Variants in CELSR3 observed in about 807,000 individuals in gnomAD.
CELSR3 encodes EGF-like protein 1.
Under a neutral mutation model 270.0 loss-of-function variants are expected in CELSR3, and 73 were observed. The ratio of observed to expected loss-of-function variants is 0.27; its 90% CI spans 0.22 to 0.33. The LOEUF is 0.33. CELSR3 is among the 10% of genes least tolerant of loss of function. The probability of loss-of-function intolerance (pLI) is 1.00; values close to 1 mark genes in which losing one functional copy is unlikely to be tolerated. For missense variants in CELSR3, 3,614 were observed against 4,533.8 expected, an observed-to-expected ratio of 0.80 and a Z score of 5.83; for synonymous variants, 1,780 against 1,905.4, an observed-to-expected ratio of 0.93 and a Z score of 1.71.
Position 48,643,058 on chromosome 3 carries a change from C to T in CELSR3, c.8315G>A (p.Cys2772Tyr), listed in dbSNP as rs762994061. The T allele has an allele frequency of 7.4e-6, 12 of 1,612,604 alleles. No individual in the cohort carries two copies. Among genetic ancestry groups the T allele is most frequent in the Non-Finnish European group, 1.0e-5 (12 of 1,179,794 alleles). Residue 2772 changes from cysteine (C) to tyrosine (Y), a missense_variant, in exon 29 of 35, where the codon TGT (cysteine) becomes TAT (tyrosine). Around this residue, in one of 7 missense-constraint regions of CELSR3, gnomAD observed 1,240 missense variants for 1,351.7 expected, o/e 0.92. Coordinates refer to ENST00000164024, the MANE Select transcript of CELSR3 (RefSeq NM_001407.3). The part of the protein sequence containing the change: ...LQGLAVLLLF[C>Y]VLNADARAAW... ...AGCCCGAGCATCTGCATTTAGGACACAGAAGAGCAGCAGCACCGCCAGGCC... is the reference window on the plus strand; with the variant it reads ...AGCCCGAGCATCTGCATTTAGGACATAGAAGAGCAGCAGCACCGCCAGGCC...
At position 48,642,819 on chromosome 3, in the gene CELSR3, G is replaced by A. The variant is rs61729238; in HGVS notation, c.8472C>T (p.Gly2824=). 3.3e-3 allele frequency: 5,394 copies of A among 1,613,110 alleles called. 138 individuals are homozygous for A. The African/African-American group carries it at 0.059, about 18-fold the overall frequency. The change falls in exon 30 of 35, where the codon GGC becomes GGT. Residue 2824 remains glycine, a synonymous_variant. Coordinates refer to ENST00000164024, the MANE Select transcript of CELSR3 (RefSeq NM_001407.3). The surrounding 1 kb of genome is among the most constrained non-coding windows in gnomAD (Gnocchi z 6.1). The stretch of plus-strand genomic sequence containing the variant: ...TGCTCACAGAGGAGACGGTGGAGGC[G>A]CCCAGAGTGATGCGGATGAGGCCAC... The part of the protein sequence containing the change: ...EESGLIRITL[G]ASTVSSVSSA...
At position 48,640,373 on chromosome 3, in the gene CELSR3, T is replaced by C; in HGVS notation, c.9212A>G (p.Gln3071Arg). Reference protein sequence around the residue: ...QPASRYSSREQLDLLLRRQLS... With the variant: ...QPASRYSSRERLDLLLRRQLS... ...TTGCCGCCGGAGGAGCAGGTCCAGC[T>C]GTTCTCTAGAAGAGTAGCGGCTGGC... Residue 3071 changes from glutamine (Q) to arginine (R), a missense_variant, in exon 34 of 35, where the codon CAG (glutamine) becomes CGG (arginine). Gln to Arg is a conservative substitution (Grantham distance 43). Transcript: ENST00000164024. This position sits in a 1 kb window ranked among gnomAD's most constrained non-coding sequence, Gnocchi z 7.5. 1.2e-6 allele frequency: 2 copies of C among 1,612,674 alleles called. No individual in the cohort carries two copies. The highest frequency in any genetic ancestry group is 2.2e-5 in the South Asian group (2 of 91,074).
rs1414451296 is a variant in CELSR3, at chr3:48,651,077, T to C, written c.6187-2A>G. On this transcript the variant is annotated splice_acceptor_variant, in intron 14 of 34. Coordinates refer to ENST00000164024, the MANE Select transcript of CELSR3 (RefSeq NM_001407.3). LOFTEE classifies it high-confidence loss of function. The surrounding 1 kb of genome is among the most constrained non-coding windows in gnomAD (Gnocchi z 7.4). ...GCCCCGCGGTCGGTAGTGGAACTCC[T>C]GTTTGAGGATGGGCCAGGGGCCTGA... 6.4e-7 allele frequency: 1 copy of C among 1,553,744 alleles called. No homozygotes were observed.
In CELSR3 at chr3:48,642,209, G is replaced by A. The variant is rs2047033651; in HGVS notation, c.8665+149C>T. On this transcript the variant is annotated intron_variant, in intron 31 of 34. Transcript: ENST00000164024. The surrounding 1 kb of genome is among the most constrained non-coding windows in gnomAD (Gnocchi z 6.1). ...ATCAGGAGTGGACTGGGAGAACCAGGGCTGGAGAGGTAGGTGCCTCCTGAG... is the reference window on the plus strand; with the variant it reads ...ATCAGGAGTGGACTGGGAGAACCAGAGCTGGAGAGGTAGGTGCCTCCTGAG... 2.2e-6 allele frequency: 2 copies of A among 920,300 alleles called. No homozygotes were observed. The highest frequency in any genetic ancestry group is 2.8e-5 in the Admixed American group (1 of 35,426). The allele number at this position is 920,300 out of a possible 1,614,324, so 57.0% of individuals were successfully genotyped here. A position where few individuals can be genotyped will look rare whatever the true frequency, so the allele number is the denominator to read the frequency against.
chr3:48,654,738 G>A lies in CELSR3; in HGVS notation c.4989-286C>T, dbSNP rs915152512. On this transcript the variant is annotated intron_variant, in intron 6 of 34. Coordinates refer to ENST00000164024, the MANE Select transcript of CELSR3 (RefSeq NM_001407.3). The surrounding 1 kb of genome is among the most constrained non-coding windows in gnomAD (Gnocchi z 5.4). ...GAGGGGATGGAGACGTGAAGACTCT[G>A]GGGGACTGGACATGAGATGAAGGGA... Among the ~76,000 whole-genome samples the A allele has an allele frequency of 1.3e-5, 2 of 152,004 alleles. No individual in the cohort carries two copies. The highest frequency in any genetic ancestry group is 2.9e-5 in the Non-Finnish European group (2 of 68,008).
At position 48,642,069 on chromosome 3, in the gene CELSR3, T is replaced by C; in HGVS notation, c.8666-60A>G. On this transcript the variant is annotated intron_variant, in intron 31 of 34. Transcript: ENST00000164024. This position sits in a 1 kb window ranked among gnomAD's most constrained non-coding sequence, Gnocchi z 6.1. The stretch of plus-strand genomic sequence containing the variant: ...TAAGGGACTTGGAGATAAGGGAATT[T>C]GGAGTTGAGGGTCTAGAGGTGGGTA... The C allele has an allele frequency of 6.8e-7, 1 of 1,473,518 alleles. No individual in the cohort carries two copies. Among genetic ancestry groups the C allele is most frequent in the Non-Finnish European group, 9.1e-7 (1 of 1,104,772 alleles). The allele number at this position is 1,473,518 out of a possible 1,614,324, so 91.3% of individuals were successfully genotyped here.
chr3:48,648,252 C>CCCCCCCCCCA lies in CELSR3; in HGVS notation c.6973+13_6973+14insTGGGGGGGGG. 1.9e-6 allele frequency: 3 copies of CCCCCCCCCCA among 1,577,550 alleles called. No individual in the cohort carries two copies. The highest frequency in any genetic ancestry group is 1.7e-6 in the Non-Finnish European group (2 of 1,151,410). Reference sequence around the variant, plus strand: ...CCCCCTGCTGTGCCCCGCCCTACCCCACCCACAACGCACTGATATTAGGCG... The same window carrying CCCCCCCCCCA: ...CCCCCTGCTGTGCCCCGCCCTACCCCCCCCCCCCCAACCCACAACGCACTGATATTAGGCG... On this transcript the variant is annotated intron_variant, in intron 19 of 34. Coordinates refer to ENST00000164024, the MANE Select transcript of CELSR3 (RefSeq NM_001407.3).
chr3:48,656,235 GC>G lies in CELSR3; in HGVS notation c.4529del (p.Gly1510AlafsTer49). ...AGCGCGCAGCCACCTCGCAGCGCGG[GC>G]CCTCGAAGGCGCCGCCTGCCGGGCA... is the stretch of plus-strand genomic sequence containing the variant. ...CQCPAGGAFE[G>X]PRCEVAARSF... On this transcript the variant is annotated frameshift_variant, in exon 3 of 35. Coordinates refer to ENST00000164024, the MANE Select transcript of CELSR3 (RefSeq NM_001407.3). LOFTEE classifies it high-confidence loss of function. 6.5e-7 allele frequency: 1 copy of G among 1,534,822 alleles called. No homozygotes were observed. The highest frequency in any genetic ancestry group is 8.7e-7 in the Non-Finnish European group (1 of 1,146,342).
Position 48,659,376 on chromosome 3 carries a change from C to A in CELSR3, c.3259G>T (p.Ala1087Ser). Reference protein sequence around the residue: ...KENSIVGSVVAQITAVDPDEG... With the variant: ...KENSIVGSVVSQITAVDPDEG... ...TCAGGGTCCACTGCAGTGATCTGGG[C>A]CACCACTGAGCCCACAATGCTATTC... The change falls in exon 1 of 35, where the codon GCC becomes TCC. Residue 1087 changes from alanine (A) to serine (S), a missense_variant. Physicochemically the swap from Ala to Ser is moderately conservative, Grantham distance 99 (BLOSUM62 1). Transcript: ENST00000164024. This position sits in a 1 kb window ranked among gnomAD's most constrained non-coding sequence, Gnocchi z 8.1. The A allele has an allele frequency of 6.2e-7, 1 of 1,614,170 alleles. No individual in the cohort carries two copies. Among genetic ancestry groups the A allele is most frequent in the South Asian group, 1.1e-5 (1 of 91,088 alleles).
In CELSR3 at chr3:48,655,483, C is replaced by G. The variant is rs1344261092; in HGVS notation, c.4742-89G>C. ...TAAGCACAACCATTCCCAGGGCCAC[C>G]CTGGATGCATCAGATCAGTCCCCCC... is the stretch of plus-strand genomic sequence containing the variant. On this transcript the variant is annotated intron_variant, in intron 4 of 34. Transcript: ENST00000164024. This position sits in a 1 kb window ranked among gnomAD's most constrained non-coding sequence, Gnocchi z 5.8. 2 of 1,324,626 alleles carry G rather than the reference C, an allele frequency of 1.5e-6. No individual in the cohort carries two copies. Among genetic ancestry groups the G allele is most frequent in the Admixed American group, 3.5e-5 (2 of 56,806 alleles). The allele number at this position is 1,324,626 out of a possible 1,614,324, so 82.1% of individuals were successfully genotyped here.
At position 48,641,541 on chromosome 3, in the gene CELSR3, G is replaced by T. The variant is rs1292000756; in HGVS notation, c.8825-17C>A. ...CATCCACATCTGTGGAGCCAGGTCAGGTTACAGGAGCTTCTGGGTTGATCC... is the reference window on the plus strand; with the variant it reads ...CATCCACATCTGTGGAGCCAGGTCATGTTACAGGAGCTTCTGGGTTGATCC... On this transcript the variant is annotated splice_polypyrimidine_tract_variant and intron_variant, in intron 32 of 34. Transcript: ENST00000164024. The surrounding 1 kb of genome is among the most constrained non-coding windows in gnomAD (Gnocchi z 4.8). The T allele has an allele frequency of 1.3e-6, 2 of 1,591,742 alleles. No individual in the cohort carries two copies. The highest frequency in any genetic ancestry group is 1.1e-5 in the South Asian group (1 of 90,594).
In CELSR3 at chr3:48,641,872, TCTCA is replaced by T; in HGVS notation, c.8799_8802del (p.Ser2933ArgfsTer59). 6.7e-7 allele frequency: 1 copy of T among 1,496,352 alleles called. No homozygotes were observed. 92.7% of individuals were successfully genotyped at this position (1,496,352 alleles called of 1,614,324 possible). A position where few individuals can be genotyped will look rare whatever the true frequency, so the allele number is the denominator to read the frequency against. On this transcript the variant is annotated frameshift_variant, in exon 32 of 35. Transcript: ENST00000164024. LOFTEE classifies it high-confidence loss of function. This position sits in a 1 kb window ranked among gnomAD's most constrained non-coding sequence, Gnocchi z 4.8. ...GCACCTTTGGGGTGGGTGAGGAGCC[TCTCA>T]CTCTGGGCTGCTCGGCAGAGTGGCC...
chr3:48,640,608 G>C lies in CELSR3; in HGVS notation c.9026-49C>G. 3 of 1,472,234 alleles carry C rather than the reference G, an allele frequency of 2.0e-6. No individual in the cohort carries two copies. The highest frequency in any genetic ancestry group is 2.7e-6 in the Non-Finnish European group (3 of 1,099,282). 91.2% of individuals were successfully genotyped at this position (1,472,234 alleles called of 1,614,324 possible). On this transcript the variant is annotated intron_variant, in intron 33 of 34. Transcript: ENST00000164024. This position sits in a 1 kb window ranked among gnomAD's most constrained non-coding sequence, Gnocchi z 7.5. ...GCAGGGTTTGTGTGGGAGGGGGAGG[G>C]CAGGCAGGAATTGCTGAGTCTAGGG...
At position 48,641,108 on chromosome 3, in the gene CELSR3, CCT is replaced by C. The variant is rs748278011; in HGVS notation, c.9025+214_9025+215del. The C allele has an allele frequency of 5.2e-6, 3 of 572,586 alleles. No homozygotes were observed. The highest frequency in any genetic ancestry group is 9.3e-6 in the Non-Finnish European group (3 of 321,988). The allele number at this position is 572,586 out of a possible 1,614,324, so 35.5% of individuals were successfully genotyped here. ...GGCAGGAGTGGTCGCCTGTGGTCCC[CCT>C]GTGGTGCTGGCCAGGGTAGAGGGGG... On this transcript the variant is annotated intron_variant, in intron 33 of 34. Coordinates refer to ENST00000164024, the MANE Select transcript of CELSR3 (RefSeq NM_001407.3). This position sits in a 1 kb window ranked among gnomAD's most constrained non-coding sequence, Gnocchi z 4.8.
At chr3:48,648,216 C>A in intron 19 of CELSR3, 50 bp downstream of exon 19, 1 of 1,578,986 alleles carries the variant, frequency 6.3e-7, no homozygotes, top group South Asian at 1.1e-5. Flanking sequence ...AGGTACCTGC[C>A]CTTTCATGGC....
Position 48,653,812 on chromosome 3 carries a change from T to C in CELSR3, c.5279-24A>G. 3.7e-6 allele frequency: 6 copies of C among 1,612,772 alleles called. No homozygotes were observed. The highest frequency in any genetic ancestry group is 4.2e-6 in the Non-Finnish European group (5 of 1,178,968). ...AGCTGAGTGGATAAGAGAAACAGGG[T>C]TACAGCCCCTGCCCCAGGAACAGAT... On this transcript the variant is annotated intron_variant, in intron 8 of 34. Transcript: ENST00000164024. This position sits in a 1 kb window ranked among gnomAD's most constrained non-coding sequence, Gnocchi z 6.5.
rs772626352 is a variant in CELSR3 at position 48,655,687 on chromosome 3, G to A, written c.4741+49C>T. Reference sequence around the variant, plus strand: ...AAACCTGAGGGGACTTGGGCCCTGCGTCCTCCAGCACACACGCACCCTTTC... The same window carrying A: ...AAACCTGAGGGGACTTGGGCCCTGCATCCTCCAGCACACACGCACCCTTTC... On this transcript the variant is annotated intron_variant, in intron 4 of 34. Coordinates refer to ENST00000164024, the MANE Select transcript of CELSR3 (RefSeq NM_001407.3). The surrounding 1 kb of genome is among the most constrained non-coding windows in gnomAD (Gnocchi z 5.8). 6.6e-7 allele frequency: 1 copy of A among 1,504,356 alleles called. No individual in the cohort carries two copies. Among genetic ancestry groups the A allele is most frequent in the South Asian group, 1.1e-5 (1 of 88,914 alleles). 93.2% of individuals were successfully genotyped at this position (1,504,356 alleles called of 1,614,324 possible). A position where few individuals can be genotyped will look rare whatever the true frequency, so the allele number is the denominator to read the frequency against.
In CELSR3 at chr3:48,652,341, C is replaced by A. The variant is rs1181157801; in HGVS notation, c.5751+96G>T. ...TGGGTCATTCACCCCCTCGCACCAA[C>A]CCCCACTTGAATACTGCCTTTCAGG... On this transcript the variant is annotated intron_variant, in intron 11 of 34. Coordinates refer to ENST00000164024, the MANE Select transcript of CELSR3 (RefSeq NM_001407.3). The surrounding 1 kb of genome is among the most constrained non-coding windows in gnomAD (Gnocchi z 4.3). 6.8e-6 allele frequency: 7 copies of A among 1,026,546 alleles called. No homozygotes were observed. Among genetic ancestry groups the A allele is most frequent in the East Asian group, 2.4e-5 (1 of 42,180 alleles). The allele number at this position is 1,026,546 out of a possible 1,614,324, so 63.6% of individuals were successfully genotyped here. A position where few individuals can be genotyped will look rare whatever the true frequency, so the allele number is the denominator to read the frequency against.
Position 48,651,518 on chromosome 3 carries a change from C to T in CELSR3, c.6066-39G>A, listed in dbSNP as rs2047137070. The T allele has an allele frequency of 6.2e-7, 1 of 1,608,858 alleles. No homozygotes were observed. The highest frequency in any genetic ancestry group is 1.3e-5 in the African/African-American group (1 of 74,856). The stretch of plus-strand genomic sequence containing the variant: ...GCCAGGTAAGATGCCTCCACGGTAT[C>T]CCAGTGACCCTCCCTGTCCCTGCCA... On this transcript the variant is annotated intron_variant, in intron 13 of 34. Coordinates refer to ENST00000164024, the MANE Select transcript of CELSR3 (RefSeq NM_001407.3). This position sits in a 1 kb window ranked among gnomAD's most constrained non-coding sequence, Gnocchi z 7.4.
Sources: allele counts gnomAD v4.1 joint callset (sites outside exome capture counted in the v4.1 genomes callset), GRCh38; gene constraint gnomAD v4.1.1; regional missense constraint gnomAD v4.1.1; non-coding constraint Gnocchi (gnomAD v3.1); transcripts MANE v1.5; gene names NCBI Gene and HGNC (gene_info 2026-07-23, HGNC 2026-07-21).